Variants in SOX17 observed in about 807,000 individuals in gnomAD.
The protein encoded by SOX17 is SRY-box transcription factor 17, also known as transcription factor SOX-17.
SOX17 carries 4 observed loss-of-function variants against 16.0 expected under a neutral mutation model. The ratio of observed to expected loss-of-function variants is 0.25; its 90% CI spans 0.12 to 0.57. The LOEUF is 0.57. SOX17 is among the 20% of genes least tolerant of loss of function. SOX17 has a pLI of 0.92. For synonymous variants in SOX17, 357 were observed against 284.6 expected (o/e 1.25, Z -2.56); for missense variants, 633 against 609.7 (o/e 1.04, Z -0.40).
At chr8:54,458,922 C>T in intron 1 of SOX17, 136 bp from the exon 2 acceptor site, 1 of 744,498 alleles carries the variant, frequency 1.3e-6, no homozygotes, top group Non-Finnish European at 2.1e-6. Context: ...CCCAGATCTC[C>T]CTCTTTAACT....
chr8:54,458,452 C>T lies in SOX17; in HGVS notation c.307+7C>T, dbSNP rs1804673022. 6.2e-7 allele frequency: 1 copy of T among 1,612,642 alleles called. No individual in the cohort carries two copies. Among genetic ancestry groups the T allele is most frequent in the South Asian group, 1.1e-5 (1 of 91,070 alleles). On this transcript the variant is annotated splice_region_variant and intron_variant, in intron 1 of 1. Coordinates refer to ENST00000297316, the MANE Select transcript of SOX17 (RefSeq NM_022454.4). ...GAGTTGAGCAAGATGCTGGGTGAGT[C>T]CGAGTCGCAGACCCAGGCGGCCGGG...
rs375171435 is a variant in SOX17 at position 54,458,573 on chromosome 8, T to C, written c.307+128T>C. ...CCAGGGGTGTGTAGCGGCCACGTCC[T>C]TTCTTAAGGCTCTGGGTTCCCTTCC... is the stretch of plus-strand genomic sequence containing the variant. On this transcript the variant is annotated intron_variant, in intron 1 of 1. Transcript: ENST00000297316. The C allele has an allele frequency of 7.2e-4, 838 of 1,163,790 alleles. 6 individuals are homozygous for C. In the African/African-American group the frequency reaches 0.011, roughly 15 times the overall value. 72.1% of individuals were successfully genotyped at this position (1,163,790 alleles called of 1,614,324 possible). A position where few individuals can be genotyped will look rare whatever the true frequency, so the allele number is the denominator to read the frequency against.
In SOX17 at chr8:54,459,416, C is replaced by A. The variant is rs374699346; in HGVS notation, c.666C>A (p.Pro222=). Residue 222 remains proline, a synonymous_variant, in exon 2 of 2, where the codon CCC becomes CCA. Coordinates refer to ENST00000297316, the MANE Select transcript of SOX17 (RefSeq NM_022454.4). ...TCGACGGCTACCCGTTGCCCACGCC[C>A]GACACGTCCCCGCTGGACGGCGTGG... ...PPLDGYPLPT[P]DTSPLDGVDP... is the part of the protein sequence containing the mutation. The A allele has an allele frequency of 1.3e-6, 2 of 1,540,916 alleles. No individual in the cohort carries two copies. Among genetic ancestry groups the A allele is most frequent in the East Asian group, 2.5e-5 (1 of 39,678 alleles).
chr8:54,460,178 G>C lies in SOX17; in HGVS notation c.*183G>C. ...CCACTTGAACAGTTTGGGGGGGTGA[G>C]GTTTCATTTAAAATTTGTTCAGAGA... On this transcript the variant is annotated 3_prime_UTR_variant, in exon 2 of 2. Transcript: ENST00000297316. The C allele has an allele frequency of 3.1e-6, 2 of 652,516 alleles. No individual in the cohort carries two copies. Among genetic ancestry groups the C allele is most frequent in the Non-Finnish European group, 5.2e-6 (2 of 382,744 alleles). The allele number at this position is 652,516 out of a possible 1,614,324, so 40.4% of individuals were successfully genotyped here. A position where few individuals can be genotyped will look rare whatever the true frequency, so the allele number is the denominator to read the frequency against.
chr8:54,458,060 T>TCC lies in SOX17; in HGVS notation c.-76_-75dup. ...CCCTCGGGGCATCTCAGTGCCTCAC[T>TCC]CCCCACCCCCTCCCCCGGGTCGGGG... On this transcript the variant is annotated 5_prime_UTR_variant, in exon 1 of 2. Coordinates refer to ENST00000297316, the MANE Select transcript of SOX17 (RefSeq NM_022454.4). 7.1e-7 allele frequency: 1 copy of TCC among 1,411,928 alleles called. No individual in the cohort carries two copies. The highest frequency in any genetic ancestry group is 1.5e-5 in the African/African-American group (1 of 66,608). The allele number at this position is 1,411,928 out of a possible 1,614,324, so 87.5% of individuals were successfully genotyped here.
At position 54,458,177 on chromosome 8, in the gene SOX17, G is replaced by A; in HGVS notation, c.39G>A (p.Gln13=). Residue 13 remains glutamine (Q), a synonymous_variant, in exon 1 of 2, where the codon CAG becomes CAA. Transcript: ENST00000297316. ...ATGCGGGATACGCCAGTGACGACCAGAGCCAGACCCAGAGCGCGCTGCCCG... is the reference window on the plus strand; with the variant it reads ...ATGCGGGATACGCCAGTGACGACCAAAGCCAGACCCAGAGCGCGCTGCCCG... The part of the protein sequence containing the change: ...SPDAGYASDD[Q]SQTQSALPAV... The A allele has an allele frequency of 1.3e-6, 2 of 1,586,472 alleles. No individual in the cohort carries two copies.
Position 54,460,760 on chromosome 8 carries a change from T to C in SOX17, c.*765T>C, listed in dbSNP as rs1804730086. The C allele has an allele frequency of 4.4e-6, 1 of 228,124 alleles. No individual in the cohort carries two copies. The highest frequency in any genetic ancestry group is 6.3e-5 in the East Asian group (1 of 15,794). 14.1% of individuals were successfully genotyped at this position (228,124 alleles called of 1,614,324 possible). ...TTTTATCTGTGTTTTGCCATCTCTT[T>C]ACACTCCTCGACATTCAGTTTACCT... On this transcript the variant is annotated 3_prime_UTR_variant, in exon 2 of 2. Transcript: ENST00000297316.
chr8:54,459,683 C>T lies in SOX17; in HGVS notation c.933C>T (p.Phe311=). The T allele has an allele frequency of 6.5e-7, 1 of 1,538,724 alleles. No homozygotes were observed. Among genetic ancestry groups the T allele is most frequent in the Non-Finnish European group, 8.7e-7 (1 of 1,146,900 alleles). The change falls in exon 2 of 2, where the codon TTC becomes TTT. Residue 311 remains phenylalanine (F), a synonymous_variant. Transcript: ENST00000297316. ...GSPGAGGGRG[F]QMQPQHQHQH... ...CCGGGGCGGGCGGCGGGCGCGGCTT[C>T]CAGATGCAGCCGCAACACCAGCACC...
Position 54,459,914 on chromosome 8 carries a change from C to G in SOX17, c.1164C>G (p.Leu388=), listed in dbSNP as rs756099823. Residue 388 remains leucine, a synonymous_variant, in exon 2 of 2, where the codon CTC becomes CTG. Coordinates refer to ENST00000297316, the MANE Select transcript of SOX17 (RefSeq NM_022454.4). ...PYQGHDSGVN[L]PDSHGAISSV... is the part of the protein sequence containing the mutation. ...AGGGGCATGACTCCGGTGTGAATCT[C>G]CCCGACAGCCACGGGGCCATTTCCT... 4.3e-6 allele frequency: 7 copies of G among 1,613,912 alleles called. No individual in the cohort carries two copies. The highest frequency in any genetic ancestry group is 5.1e-6 in the Non-Finnish European group (6 of 1,180,042).
chr8:54,459,046 T>G lies in SOX17; in HGVS notation c.308-12T>G. The G allele has an allele frequency of 6.3e-7, 1 of 1,592,420 alleles. No homozygotes were observed. The highest frequency in any genetic ancestry group is 8.5e-7 in the Non-Finnish European group (1 of 1,170,514). On this transcript the variant is annotated splice_polypyrimidine_tract_variant and intron_variant, in intron 1 of 1. Coordinates refer to ENST00000297316, the MANE Select transcript of SOX17 (RefSeq NM_022454.4). ...GCCCTGCGCCCCTCTCCCCCTTCCT[T>G]CCACTGTGCAGGCAAGTCGTGGAAG...
Position 54,459,585 on chromosome 8 carries a change from G to T in SOX17, c.835G>T (p.Ala279Ser). The part of the protein sequence containing the change: ...PMHPRLGPEP[A>S]GPSIPGLLAP... The stretch of plus-strand genomic sequence containing the variant: ...GCACCCCCGACTCGGCCCAGAGCCC[G>T]CGGGTCCCTCGATTCCGGGCCTCCT... Residue 279 changes from alanine (A) to serine (S), a missense_variant, in exon 2 of 2, where the codon GCG becomes TCG. By Grantham distance (99) the Ala-to-Ser change is moderately conservative. Coordinates refer to ENST00000297316, the MANE Select transcript of SOX17 (RefSeq NM_022454.4). The T allele has an allele frequency of 6.5e-7, 1 of 1,539,722 alleles. No individual in the cohort carries two copies. Among genetic ancestry groups the T allele is most frequent in the South Asian group, 1.2e-5 (1 of 84,258 alleles).
Position 54,460,380 on chromosome 8 carries a change from C to T in SOX17, c.*385C>T. ...TAAAATCTGGAATCCTGCTTTTTTG[C>T]TCTACTAGTACCTCTGTCACACTAG... On this transcript the variant is annotated 3_prime_UTR_variant, in exon 2 of 2. Coordinates refer to ENST00000297316, the MANE Select transcript of SOX17 (RefSeq NM_022454.4). 2 of 386,684 alleles carry T rather than the reference C, an allele frequency of 5.2e-6. No homozygotes were observed. Among genetic ancestry groups the T allele is most frequent in the South Asian group, 6.4e-5 (2 of 31,082 alleles). 24.0% of individuals were successfully genotyped at this position (386,684 alleles called of 1,614,324 possible).
rs1441052427 is a variant in SOX17 at position 54,459,602 on chromosome 8, G to A, written c.852G>A (p.Pro284=). 1.9e-6 allele frequency: 3 copies of A among 1,540,634 alleles called. No homozygotes were observed. Among genetic ancestry groups the A allele is most frequent in the African/African-American group, 2.7e-5 (2 of 73,006 alleles). ...LGPEPAGPSI[P]GLLAPPSALH... ...CAGAGCCCGCGGGTCCCTCGATTCC[G>A]GGCCTCCTGGCGCCACCCAGCGCCC... Residue 284 remains proline (P), a synonymous_variant, in exon 2 of 2, where the codon CCG becomes CCA. Coordinates refer to ENST00000297316, the MANE Select transcript of SOX17 (RefSeq NM_022454.4).
rs1483221878 is a variant in SOX17 at position 54,459,668 on chromosome 8, C to T, written c.918C>T (p.Gly306=). Residue 306 remains glycine, a synonymous_variant, in exon 2 of 2, where the codon GGC becomes GGT. Transcript: ENST00000297316. ...GCGCGATGGGCTCGCCCGGGGCGGGCGGCGGGCGCGGCTTCCAGATGCAGC... is the reference window on the plus strand; with the variant it reads ...GCGCGATGGGCTCGCCCGGGGCGGGTGGCGGGCGCGGCTTCCAGATGCAGC... ...YYGAMGSPGA[G]GGRGFQMQPQ... is the part of the protein sequence containing the mutation. 2.6e-6 allele frequency: 4 copies of T among 1,535,826 alleles called. No individual in the cohort carries two copies. Among genetic ancestry groups the T allele is most frequent in the Non-Finnish European group, 3.5e-6 (4 of 1,145,664 alleles).
rs189384157 is a variant in SOX17, at chr8:54,458,236, C to A, written c.98C>A (p.Ala33Asp). The A allele has an allele frequency of 4.5e-3, 7,141 of 1,598,738 alleles. 22 individuals are homozygous for A. The highest frequency in any genetic ancestry group is 5.5e-3 in the South Asian group (493 of 89,534). Residue 33 changes from alanine (A) to aspartate (D), a missense_variant, in exon 1 of 2, where the codon GCC (alanine) becomes GAC (aspartate). Physicochemically the swap from Ala to Asp is moderately radical, Grantham distance 126. Transcript: ENST00000297316. ...VMAGLGPCPWAESLSPIGDMK... is the reference protein window; with the variant it reads ...VMAGLGPCPWDESLSPIGDMK... ...GCCGGGCTGGGCCCCTGCCCCTGGG[C>A]CGAGTCGCTGAGCCCCATCGGGGAC...
Position 54,460,625 on chromosome 8 carries a change from T to A in SOX17, c.*630T>A, listed in dbSNP as rs1802269599. 4.3e-6 allele frequency: 1 copy of A among 232,586 alleles called. No homozygotes were observed. The allele number at this position is 232,586 out of a possible 1,614,324, so 14.4% of individuals were successfully genotyped here. On this transcript the variant is annotated 3_prime_UTR_variant, in exon 2 of 2. Coordinates refer to ENST00000297316, the MANE Select transcript of SOX17 (RefSeq NM_022454.4). The stretch of plus-strand genomic sequence containing the variant: ...CTTAGTTTCTAAAACTAACAGTTAA[T>A]ATTTTCAATTCCAGTATATCACTTT...
chr8:54,458,025 A>C lies in SOX17; in HGVS notation c.-114A>C. The C allele has an allele frequency of 8.0e-7, 1 of 1,250,708 alleles. No individual in the cohort carries two copies. The highest frequency in any genetic ancestry group is 1.1e-6 in the Non-Finnish European group (1 of 949,496). The allele number at this position is 1,250,708 out of a possible 1,614,324, so 77.5% of individuals were successfully genotyped here. A position where few individuals can be genotyped will look rare whatever the true frequency, so the allele number is the denominator to read the frequency against. On this transcript the variant is annotated 5_prime_UTR_variant, in exon 1 of 2. Coordinates refer to ENST00000297316, the MANE Select transcript of SOX17 (RefSeq NM_022454.4). ...ACGGGCGGCGGCTTCGGGCCGGGAG[A>C]CCCGCGCAGCCCTCGGGGCATCTCA...
Position 54,459,267 on chromosome 8 carries a change from C to T in SOX17, c.517C>T (p.Arg173Cys), listed in dbSNP as rs751519449. 2.5e-5 allele frequency: 38 copies of T among 1,503,728 alleles called. No individual in the cohort carries two copies. The African/African-American group carries it at 4.8e-4, about 19-fold the overall frequency. 93.1% of individuals were successfully genotyped at this position (1,503,728 alleles called of 1,614,324 possible). A position where few individuals can be genotyped will look rare whatever the true frequency, so the allele number is the denominator to read the frequency against. ...QAAALGPEGG[R>C]VAMDGLGLQF... ...GGCCGCGCTGGGCCCCGAGGGCGGC[C>T]GCGTGGCCATGGACGGCCTGGGCCT... The change falls in exon 2 of 2, where the codon CGC becomes TGC. Residue 173 changes from arginine (R) to cysteine (C), a missense_variant. By Grantham distance (180) the Arg-to-Cys change is radical. Coordinates refer to ENST00000297316, the MANE Select transcript of SOX17 (RefSeq NM_022454.4).
Position 54,459,728 on chromosome 8 carries a change from C to G in SOX17, c.978C>G (p.His326Gln), listed in dbSNP as rs575311838. 1.5e-5 allele frequency: 23 copies of G among 1,545,764 alleles called. 1 individual carries two copies. The highest frequency in any genetic ancestry group is 1.4e-4 in the South Asian group (12 of 85,780). Residue 326 changes from histidine (H) to glutamine (Q), a missense_variant, in exon 2 of 2, where the codon CAC (histidine) becomes CAG (glutamine). Transcript: ENST00000297316. ...QHQHQHQHQH[H>Q]PPGPGQPSPP... ...AGCACCAGCACCAGCACCAGCACCA[C>G]CCCCCGGGCCCCGGACAGCCGTCGC...
Sources: allele counts gnomAD v4.1 joint callset, GRCh38; gene constraint gnomAD v4.1.1; transcripts MANE v1.5; gene names NCBI Gene and HGNC (gene_info 2026-07-23, HGNC 2026-07-21).